Variants in C12orf42 observed in about 807,000 individuals in gnomAD.
The protein encoded by C12orf42 is uncharacterized protein C12orf42.
A neutral mutation model predicts 21.6 loss-of-function variants in C12orf42; 25 were observed. The observed-to-expected ratio is 1.16, with a 90% confidence interval of 0.84 to 1.62. The LOEUF is 1.62. Among genes scored for constraint, C12orf42 ranks in the 40% most tolerant of loss-of-function variants. The pLI is 0.00. For missense variants in C12orf42, 483 were observed against 459.3 expected (o/e 1.05, Z -0.47); for synonymous variants, 174 against 175.0 (o/e 0.99, Z 0.05).
the C12orf42 span, among the ~76,000 whole-genome samples, chr12:103,116,069 T>C: frequency 3.5e-3 from 530 of 152,194 alleles, 1 homozygote; most frequent in African/African-American, 0.012. Flanking sequence ...CCTGATGAAA[T>C]ATAAATTTGG....
rs1048386885 is a variant in C12orf42, at chr12:103,433,065, A to C, written c.79-31390T>G. Among the ~76,000 whole-genome samples, 10 of 152,340 alleles carry C rather than the reference A, an allele frequency of 6.6e-5. No individual in the cohort carries two copies. In the East Asian group the frequency reaches 1.9e-3, roughly 29 times the overall value. ...ACTTGCTTTACATTTCACACTATAC[A>C]GTAATTGTTAACTTACTCCTCTGTA... On this transcript the variant is annotated intron_variant, in intron 2 of 5. Coordinates refer to ENST00000548883, the MANE Select transcript of C12orf42 (RefSeq NM_198521.5).
At chr12:103,133,335 C>G in the C12orf42 span, among the ~76,000 whole-genome samples, 1 of 152,140 alleles carries the variant, frequency 6.6e-6, no homozygotes, top group Non-Finnish European at 1.5e-5. Flanking sequence ...AAGAACCCAC[C>G]CACCTACCCA....
chr12:103,504,163 A>G, the C12orf42 span: 2 of 152,596 alleles, frequency 1.3e-5, no homozygotes, highest in African/African-American at 4.8e-5. Context: ...CCCCGGCAGC[A>G]TGGAGATCAG....
chr12:103,074,558 T>C, the C12orf42 span, among the ~76,000 whole-genome samples: 2 of 151,990 alleles, frequency 1.3e-5, no homozygotes, highest in African/African-American at 4.8e-5. Flanking sequence ...ATATGCTAGA[T>C]AAAAAATGGA....
rs546462339 is a variant in C12orf42 at position 103,485,474 on chromosome 12, T to C, written c.-21-7027A>G. On this transcript the variant is annotated intron_variant, in intron 1 of 5. Transcript: ENST00000548883. ...ATGTGGGCTCTTTTTTAGTTCCATA[T>C]GAACTTTAAAGTAGTTTTTTCCAAT... Among the ~76,000 whole-genome samples, 107 of 152,366 alleles carry C rather than the reference T, an allele frequency of 7.0e-4. 1 individual carries two copies. Among genetic ancestry groups the C allele is most frequent in the Middle Eastern group, 3.4e-3 (1 of 294 alleles).
chr12:103,380,535 G>T (rs1191171371), intron 3 of C12orf42, among the ~76,000 whole-genome samples: 2 of 152,122 alleles, frequency 1.3e-5, no homozygotes, highest in African/African-American at 4.8e-5. Flanking sequence ...TTATTTAAAC[G>T]AGGAATTAGA....
the C12orf42 span, among the ~76,000 whole-genome samples, chr12:103,171,957 T>C: frequency 6.6e-6 from 1 of 152,120 alleles, no homozygotes; most frequent in African/African-American, 2.4e-5. Context: ...AGTGTCCCTA[T>C]GTTGAGCACT....
chr12:103,228,809 C>G, the C12orf42 span, among the ~76,000 whole-genome samples: 1 of 151,604 alleles, frequency 6.6e-6, no homozygotes. Context: ...CCACATCAAG[C>G]CACTAATATA....
intron 4 of C12orf42, among the ~76,000 whole-genome samples, chr12:103,286,852 A>G (rs2136338271): frequency 6.6e-6 from 1 of 152,110 alleles, no homozygotes; most frequent in East Asian, 1.9e-4. Flanking sequence ...GGTACGGTAA[A>G]GGGAGGTTGG....
At chr12:103,530,511 T>C in the C12orf42 span, among the ~76,000 whole-genome samples, 4 of 152,166 alleles carry the variant, frequency 2.6e-5, no homozygotes, top group Non-Finnish European at 5.9e-5. Context: ...CCCCAGCTTC[T>C]CATTATGAGG....
intron 1 of C12orf42, among the ~76,000 whole-genome samples, chr12:103,480,498 G>A (rs948632322): frequency 2.0e-5 from 3 of 149,408 alleles, no homozygotes; most frequent in African/African-American, 7.4e-5. Flanking sequence ...TACATTTTGG[G>A]GGCTTATTCT....
the C12orf42 span, among the ~76,000 whole-genome samples, chr12:103,076,287 G>GC: frequency 6.7e-6 from 1 of 149,952 alleles, no homozygotes. Context: ...GATTACCCAA[G>GC]CCTTTTTTTT....
intron 4 of C12orf42, among the ~76,000 whole-genome samples, chr12:103,281,308 G>A (rs1402410092): frequency 1.3e-5 from 2 of 152,134 alleles, no homozygotes; most frequent in Non-Finnish European, 2.9e-5. Context: ...AAATGAATAA[G>A]CATAAACATG....
intron 3 of C12orf42, among the ~76,000 whole-genome samples, chr12:103,395,336 C>CT (rs35914185): frequency 0.033 from 4,618 of 138,266 alleles, 223 homozygotes; most frequent in East Asian, 0.2. Context: ...ACCCATTATT[C>CT]TTTTTTTTTT....
the C12orf42 span, among the ~76,000 whole-genome samples, chr12:103,175,116 A>G: frequency 6.6e-6 from 1 of 152,236 alleles, no homozygotes; most frequent in Non-Finnish European, 1.5e-5. Context: ...GTCTCCTAAT[A>G]GGTAATTACC....
At chr12:103,498,891 G>A (rs1955644440), upstream of C12orf42, among the ~76,000 whole-genome samples, 1 of 149,614 alleles carries the variant, frequency 6.7e-6, no homozygotes, top group Non-Finnish European at 1.5e-5. Context: ...TTGGGGGAGG[G>A]AGGGCATTAG....
the C12orf42 span, among the ~76,000 whole-genome samples, chr12:103,546,103 G>T: frequency 2.0e-5 from 3 of 152,328 alleles, no homozygotes; most frequent in East Asian, 5.8e-4. Flanking sequence ...GATCTGATTA[G>T]TGAGGGAAGT....
the C12orf42 span, among the ~76,000 whole-genome samples, chr12:103,059,666 T>A: frequency 6.6e-6 from 1 of 152,164 alleles, no homozygotes; most frequent in South Asian, 2.1e-4. Flanking sequence ...GCAAGGCTGG[T>A]TCAACATATG....
chr12:103,480,712 T>G (rs1954404772), intron 1 of C12orf42, among the ~76,000 whole-genome samples: 1 of 151,722 alleles, frequency 6.6e-6, no homozygotes, highest in East Asian at 1.9e-4. Context: ...CCCAATTATC[T>G]TTTTGCTATT....
Sources: gnomAD v4.1 joint callset for allele counts (sites outside exome capture counted in the v4.1 genomes callset) on GRCh38, gnomAD v4.1.1 for gene constraint, MANE v1.5 for transcripts, NCBI Gene and HGNC (gene_info 2026-07-23, HGNC 2026-07-21) for gene names.